Variants in SGSM1 observed in about 807,000 individuals in gnomAD.
SGSM1 encodes the protein RUN and TBC1 domain containing 2.
A neutral mutation model predicts 133.8 loss-of-function variants in SGSM1; 73 were observed. The observed-to-expected ratio is 0.55, with a 90% CI of 0.45 to 0.66. The LOEUF (loss-of-function observed/expected upper bound fraction) is 0.66, where lower values mean the gene tolerates loss of function less well. SGSM1 is among the 30% of genes least tolerant of loss of function. The pLI is 0.00. For synonymous variants in SGSM1, 563 were observed against 573.0 expected, an observed-to-expected ratio of 0.98 and a Z score of 0.25; for missense variants, 1,213 against 1,448.1, an observed-to-expected ratio of 0.84 and a Z score of 2.64.
chr22:24,893,456 A>G lies in SGSM1; in HGVS notation c.1796A>G (p.Tyr599Cys). 6.2e-7 allele frequency: 1 copy of G among 1,613,914 alleles called. No homozygotes were observed. The highest frequency in any genetic ancestry group is 8.5e-7 in the Non-Finnish European group (1 of 1,179,848). The change falls in exon 17 of 25, where the codon TAT becomes TGT. Residue 599 changes from tyrosine (Y) to cysteine (C), a missense_variant. By Grantham distance (194) the Tyr-to-Cys change is radical (BLOSUM62 -2). Coordinates refer to ENST00000400358, the MANE Select transcript of SGSM1 (RefSeq NM_001098497.3). ...KEVDEQIHAC[Y>C]AQTMAEWLGC... ...GTGGACGAGCAGATTCATGCCTGCT[A>G]TGCACAGACCATGGCTGAGTGGCTG...
chr22:24,859,624 C>T, intron 8 of SGSM1, 92 bp from the exon 9 acceptor site: 1 of 1,550,830 alleles, frequency 6.4e-7, no homozygotes, highest in Non-Finnish European at 8.8e-7. Context: ...CCTCTTAGTT[C>T]TGATTATGTG....
chr22:24,906,224 A>G (rs774749559), intron 21 of SGSM1, among the ~76,000 whole-genome samples: 1 of 152,164 alleles, frequency 6.6e-6, no homozygotes, highest in Non-Finnish European at 1.5e-5. Flanking sequence ...TTTCATAATA[A>G]AAACATTCAA....
chr22:24,876,373 G>C (rs955026198), intron 12 of SGSM1, among the ~76,000 whole-genome samples: 2 of 152,166 alleles, frequency 1.3e-5, no homozygotes, highest in African/African-American at 4.8e-5. Flanking sequence ...CATCAGCTCT[G>C]CCCCAGATTT....
chr22:24,880,411 G>A (rs1439924743), intron 14 of SGSM1, among the ~76,000 whole-genome samples: 1 of 152,206 alleles, frequency 6.6e-6, no homozygotes, highest in Non-Finnish European at 1.5e-5. Flanking sequence ...TGGGATTACA[G>A]GCATGAGCCA....
At chr22:24,894,374 C>T (rs551928477) in intron 17 of SGSM1, among the ~76,000 whole-genome samples, 5 of 152,292 alleles carry the variant, frequency 3.3e-5, no homozygotes, top group African/African-American at 7.2e-5. Flanking sequence ...GCACGGGCAA[C>T]GAGCGAAACT....
intron 3 of SGSM1, among the ~76,000 whole-genome samples, chr22:24,845,598 A>G (rs1930047904): frequency 6.6e-6 from 1 of 152,208 alleles, no homozygotes; most frequent in African/African-American, 2.4e-5. Flanking sequence ...TCTTAATTTA[A>G]TAATTGGAGT....
At chr22:24,909,183 C>G (rs576312395) in intron 21 of SGSM1, among the ~76,000 whole-genome samples, 4 of 152,120 alleles carry the variant, frequency 2.6e-5, no homozygotes, top group Non-Finnish European at 4.4e-5. Context: ...CAGAAACCAT[C>G]CCCCCGACTC....
At chr22:24,819,143 C>CAAAAA (rs56384293) in intron 2 of SGSM1, among the ~76,000 whole-genome samples, 344 of 106,564 alleles carry the variant, frequency 3.2e-3, no homozygotes, top group Middle Eastern at 0.013. Flanking sequence ...AAGACTCTGT[C>CAAAAA]AAAAAAAAAA....
intron 12 of SGSM1, chr22:24,874,466 G>A (rs1341180079): frequency 6.2e-7 from 1 of 1,613,670 alleles, no homozygotes; most frequent in East Asian, 2.2e-5. Flanking sequence ...GGCCCTGCCT[G>A]GATGATGGTT....
intron 3 of SGSM1, among the ~76,000 whole-genome samples, chr22:24,847,015 T>G (rs531957375): frequency 3.9e-5 from 6 of 151,996 alleles, no homozygotes; most frequent in Non-Finnish European, 7.4e-5. Context: ...TAATTTCTTA[T>G]ATTTTTAGTA....
intron 2 of SGSM1, among the ~76,000 whole-genome samples, chr22:24,835,451 T>G (rs1273764720): frequency 6.6e-6 from 1 of 152,072 alleles, no homozygotes. Context: ...GTAGAGGCCA[T>G]TACGTCAGAG....
intron 5 of SGSM1, among the ~76,000 whole-genome samples, chr22:24,851,113 A>G (rs201204467): frequency 3.5e-5 from 5 of 141,796 alleles, no homozygotes; most frequent in East Asian, 2.1e-4. Flanking sequence ...AAAAAAAAAA[A>G]AAAAAAGAAA....
In SGSM1 at chr22:24,925,573, C is replaced by G. The variant is rs915286608; in HGVS notation, c.*1299C>G. 1.3e-5 allele frequency: 2 copies of G among 152,172 alleles called. No homozygotes were observed. Among genetic ancestry groups the G allele is most frequent in the African/African-American group, 4.8e-5 (2 of 41,436 alleles). 9.4% of individuals were successfully genotyped at this position (152,172 alleles called of 1,614,324 possible). ...TCTTTGGGGTCCTGCTCAGAGTCCC[C>G]CAGGCAGGGCAGAGTCTGTATCCTG... On this transcript the variant is annotated 3_prime_UTR_variant, in exon 25 of 25. Coordinates refer to ENST00000400358, the MANE Select transcript of SGSM1 (RefSeq NM_001098497.3).
intron 21 of SGSM1, among the ~76,000 whole-genome samples, chr22:24,910,801 C>T (rs770879711): frequency 5.2e-4 from 79 of 152,094 alleles, no homozygotes; most frequent in Non-Finnish European, 3.7e-4. Context: ...AAAAGTTAGC[C>T]AGGCATTGTG....
chr22:24,925,207 AT>A lies in SGSM1; in HGVS notation c.*935del, dbSNP rs1287233869. 1 of 152,116 alleles carries A rather than the reference AT, an allele frequency of 6.6e-6. No individual in the cohort carries two copies. Among genetic ancestry groups the A allele is most frequent in the Non-Finnish European group, 1.5e-5 (1 of 68,060 alleles). 9.4% of individuals were successfully genotyped at this position (152,116 alleles called of 1,614,324 possible). A position where few individuals can be genotyped will look rare whatever the true frequency, so the allele number is the denominator to read the frequency against. ...CCCCATCTCTACTAAAAATACAAAA[AT>A]TAGCTGGGTGTGGTGGCGGGTGCCT... On this transcript the variant is annotated 3_prime_UTR_variant, in exon 25 of 25. Transcript: ENST00000400358.
chr22:24,905,584 G>A (rs183648287), intron 21 of SGSM1, among the ~76,000 whole-genome samples: 151 of 151,988 alleles, frequency 9.9e-4, no homozygotes, highest in Non-Finnish European at 1.8e-3. Context: ...TCAGGAGATC[G>A]AGACCATCCT....
At chr22:24,868,269 C>T (rs879337290) in intron 10 of SGSM1, 107 bp from the exon 11 acceptor site, 102 of 1,452,458 alleles carry the variant, frequency 7.0e-5, no homozygotes, top group Non-Finnish European at 9.3e-5. Flanking sequence ...AGAGCAGGAT[C>T]CCTGGGTCTG....
rs1012154819 is a variant in SGSM1, at chr22:24,844,710, A to G, written c.64-187A>G. 4 of 574,418 alleles carry G rather than the reference A, an allele frequency of 7.0e-6. No individual in the cohort carries two copies. The Admixed American group carries it at 1.2e-4, about 18-fold the overall frequency. The allele number at this position is 574,418 out of a possible 1,614,324, so 35.6% of individuals were successfully genotyped here. On this transcript the variant is annotated intron_variant, in intron 2 of 24. Transcript: ENST00000400358. Reference sequence around the variant, plus strand: ...ACGAATAATTGATAAAATGAGAAGCATGGAGCTGTGACAGGCCTCAGACCT... The same window carrying G: ...ACGAATAATTGATAAAATGAGAAGCGTGGAGCTGTGACAGGCCTCAGACCT...
At chr22:24,815,836 G>T (rs8139685) in intron 2 of SGSM1, among the ~76,000 whole-genome samples, 22,696 of 152,146 alleles carry the variant, frequency 0.15, 2,010 homozygotes, top group South Asian at 0.25. Flanking sequence ...AAGGGGTGTT[G>T]CATCTCTGTC....
Sources: allele counts gnomAD v4.1 joint callset (sites outside exome capture counted in the v4.1 genomes callset), GRCh38; gene constraint gnomAD v4.1.1; transcripts MANE v1.5; gene names NCBI Gene and HGNC (gene_info 2026-07-23, HGNC 2026-07-21).